The following PDE11A variants were observed in gnomAD, a reference collection of about 807,000 sequenced individuals.
PDE11A encodes dual 3',5'-cyclic-AMP and -GMP phosphodiesterase 11A.
PDE11A carries 100 observed loss-of-function variants against 100.5 expected under a neutral mutation model. The ratio of observed to expected loss-of-function variants is 1.00; its 90% CI spans 0.85 to 1.18. PDE11A has a LOEUF of 1.18. Ranked by LOEUF, PDE11A falls within the 50% of genes most tolerant of loss-of-function variation. PDE11A has a pLI of 0.00. For missense variants in PDE11A, 1,141 were observed against 1,152.6 expected (o/e 0.99, Z 0.15); for synonymous variants, 381 against 420.8 (o/e 0.91, Z 1.16).
At chr2:178,079,463 C>G (rs541817223) in intron 2 of PDE11A, among the ~76,000 whole-genome samples, 4 of 152,130 alleles carry the variant, frequency 2.6e-5, no homozygotes, top group Admixed American at 2.6e-4. Flanking sequence ...CTGCAAAGTA[C>G]ATGATCTTGT....
At position 178,107,760 on chromosome 2, in the gene PDE11A, C is replaced by T. The variant is rs540846334; in HGVS notation, c.-14+494G>A. ...TTTTTGAGACGGAGTCTCACTCTGT[C>T]GCCCAGGCCGGAGTGCCGTGGTGTG... On this transcript the variant is annotated intron_variant, in intron 1 of 20. Transcript: ENST00000358450. 2.8e-3 allele frequency among the ~76,000 whole-genome samples: 371 copies of T among 132,718 alleles called. 4 individuals carry two copies. Among genetic ancestry groups the T allele is most frequent in the Non-Finnish European group, 4.0e-3 (259 of 65,032 alleles). 87.1% of individuals were successfully genotyped at this position (132,718 alleles called of 152,430 possible).
At chr2:177,724,470 A>G (rs2081571729) in intron 12 of PDE11A, among the ~76,000 whole-genome samples, 3 of 152,128 alleles carry the variant, frequency 2.0e-5, no homozygotes, top group African/African-American at 7.2e-5. Flanking sequence ...GCTGGGGCAT[A>G]TATTTATAAT....
At chr2:178,061,926 T>C (rs2086975034) in intron 1 of PDE11A, among the ~76,000 whole-genome samples, 1 of 152,248 alleles carries the variant, frequency 6.6e-6, no homozygotes, top group South Asian at 2.1e-4. Flanking sequence ...CTTCCCCCAG[T>C]TGACCTTTTT....
At chr2:178,075,967 TA>T (rs1362054475), upstream of PDE11A, among the ~76,000 whole-genome samples, 1 of 152,218 alleles carries the variant, frequency 6.6e-6, no homozygotes, top group Admixed American at 6.5e-5. Context: ...CTCTTCTGCT[TA>T]TCTGCTAATT....
In PDE11A at chr2:178,071,940, G is replaced by A. The variant is rs753913877; in HGVS notation, c.498C>T (p.Pro166=). 1.2e-6 allele frequency: 2 copies of A among 1,613,896 alleles called. No homozygotes were observed. The highest frequency in any genetic ancestry group is 1.7e-5 in the Admixed American group (1 of 60,022). ...GCGCACTGAGAATATGGGCTGTGGT[G>A]GGGGGCAGGGAGCTTGCCTTCCGGA... ...ALLRKASSLP[P]TTAHILSALL... The change falls in exon 1 of 20, where the codon CCC becomes CCT. Residue 166 remains proline, a synonymous_variant. Coordinates refer to ENST00000286063, the MANE Select transcript of PDE11A (RefSeq NM_016953.4).
chr2:177,912,955 G>C (rs1293222104), intron 2 of PDE11A, among the ~76,000 whole-genome samples: 1 of 152,160 alleles, frequency 6.6e-6, no homozygotes, highest in African/African-American at 2.4e-5. Flanking sequence ...GGTTGCCTGG[G>C]TTAGCAGCAG....
chr2:177,727,986 C>G, intron 11 of PDE11A, 40 bp downstream of exon 11: 1 of 1,584,952 alleles, frequency 6.3e-7, no homozygotes, highest in Non-Finnish European at 8.7e-7. Context: ...ACACGTTGTC[C>G]CAGGTGAACT....
At chr2:178,088,390 T>C (rs1167995453) in intron 2 of PDE11A, among the ~76,000 whole-genome samples, 3 of 152,210 alleles carry the variant, frequency 2.0e-5, no homozygotes, top group Non-Finnish European at 4.4e-5. Context: ...ATTATTCTTC[T>C]TGAAAAATAA....
intron 5 of PDE11A, among the ~76,000 whole-genome samples, chr2:177,842,424 G>A (rs1265408896): frequency 1.3e-5 from 2 of 152,208 alleles, no homozygotes; most frequent in Non-Finnish European, 2.9e-5. Flanking sequence ...AGCAGAGTAC[G>A]AAGTGTGTTC....
At chr2:177,792,660 G>A (rs754481608) in intron 9 of PDE11A, among the ~76,000 whole-genome samples, 3 of 152,174 alleles carry the variant, frequency 2.0e-5, no homozygotes, top group Non-Finnish European at 4.4e-5. Context: ...GGCCACAGAA[G>A]TGACTCGTCA....
intron 1 of PDE11A, among the ~76,000 whole-genome samples, chr2:178,053,394 C>T (rs1292313284): frequency 6.6e-6 from 1 of 152,148 alleles, no homozygotes; most frequent in Non-Finnish European, 1.5e-5. Flanking sequence ...ATGACAGACC[C>T]ACAGCCAATA....
intron 2 of PDE11A, among the ~76,000 whole-genome samples, chr2:177,910,531 G>C (rs1384851764): frequency 6.6e-6 from 1 of 151,418 alleles, no homozygotes; most frequent in Non-Finnish European, 1.5e-5. Context: ...AACTAATTTG[G>C]CCTTCACTAT....
At chr2:178,097,427 T>A (rs772292117) in intron 2 of PDE11A, among the ~76,000 whole-genome samples, 43 of 151,886 alleles carry the variant, frequency 2.8e-4, no homozygotes, top group Non-Finnish European at 5.4e-4. Flanking sequence ...GAGAGAAGTG[T>A]GAAGGAGGAA....
intron 10 of PDE11A, among the ~76,000 whole-genome samples, chr2:177,752,940 A>C (rs1267897844): frequency 6.6e-6 from 1 of 152,234 alleles, no homozygotes; most frequent in Non-Finnish European, 1.5e-5. Context: ...TGTTAGTTAT[A>C]GTTAATTTCC....
At chr2:177,909,808 T>A (rs201283323) in intron 2 of PDE11A, among the ~76,000 whole-genome samples, 1 of 144,816 alleles carries the variant, frequency 6.9e-6, no homozygotes, top group Non-Finnish European at 1.5e-5. Context: ...ATGAATATGT[T>A]TATTTTATAA....
At chr2:177,950,809 G>A (rs1465041423) in intron 2 of PDE11A, among the ~76,000 whole-genome samples, 3 of 152,198 alleles carry the variant, frequency 2.0e-5, no homozygotes, top group Non-Finnish European at 4.4e-5. Flanking sequence ...TACTTGGGAC[G>A]CTGAGGCAGG....
At position 177,941,298 on chromosome 2, in the gene PDE11A, T is replaced by A. The variant is rs143953818; in HGVS notation, c.1072-36111A>T. 2.2e-3 allele frequency among the ~76,000 whole-genome samples: 331 copies of A among 152,292 alleles called. 2 individuals carry two copies. Among genetic ancestry groups the A allele is most frequent in the Admixed American group, 5.2e-3 (79 of 15,300 alleles). ...GCTGAGATTCCACCAAGTTCAATACTTTACTTTCTTCTAACTCGCATGAGG... is the reference window on the plus strand; with the variant it reads ...GCTGAGATTCCACCAAGTTCAATACATTACTTTCTTCTAACTCGCATGAGG... On this transcript the variant is annotated intron_variant, in intron 2 of 19. Coordinates refer to ENST00000286063, the MANE Select transcript of PDE11A (RefSeq NM_016953.4).
intron 3 of PDE11A, among the ~76,000 whole-genome samples, chr2:177,899,129 C>T (rs534318187): frequency 5.3e-5 from 8 of 152,224 alleles, no homozygotes; most frequent in Non-Finnish European, 8.8e-5. Context: ...ATATTTTGGC[C>T]GGGCGCAGTG....
At chr2:178,085,387 C>T (rs1355586003) in intron 2 of PDE11A, among the ~76,000 whole-genome samples, 1 of 152,008 alleles carries the variant, frequency 6.6e-6, no homozygotes, top group Non-Finnish European at 1.5e-5. Flanking sequence ...GAACAAAAGA[C>T]ACTGTGGAGG....
Sources: allele counts gnomAD v4.1 joint callset (sites outside exome capture counted in the v4.1 genomes callset), GRCh38; gene constraint gnomAD v4.1.1; transcripts MANE v1.5; gene names NCBI Gene and HGNC (gene_info 2026-07-23, HGNC 2026-07-21).